The following SPIRE1 variants were observed in gnomAD, a reference collection of about 807,000 sequenced individuals.
SPIRE1 encodes the protein spire type actin nucleation factor 1.
Under a neutral mutation model 94.1 loss-of-function variants are expected in SPIRE1, and 40 were observed. The ratio of observed to expected loss-of-function variants is 0.43; its 90% CI spans 0.33 to 0.55. The LOEUF (loss-of-function observed/expected upper bound fraction) is 0.55. Ranked by LOEUF, SPIRE1 falls within the 20% of genes least tolerant of loss-of-function variation. SPIRE1 has a pLI of 0.06. For missense variants in SPIRE1, 838 were observed against 975.2 expected (o/e 0.86, Z 1.87); for synonymous variants, 376 against 371.7 (o/e 1.01, Z -0.13).
intron 5 of SPIRE1, among the ~76,000 whole-genome samples, chr18:12,510,096 A>C (rs1199556373): frequency 7.2e-6 from 1 of 138,102 alleles, no homozygotes. Flanking sequence ...AAAAAAAAAA[A>C]AAACTAAAAA....
intron 1 of SPIRE1, chr18:12,656,444 C>T (rs1176204593): frequency 6.6e-6 from 1 of 152,184 alleles, no homozygotes; most frequent in African/African-American, 2.4e-5. Flanking sequence ...TTACCTGACA[C>T]TAAAAAATAA....
intron 10 of SPIRE1, among the ~76,000 whole-genome samples, chr18:12,473,832 C>G (rs554389): frequency 0.38 from 57,162 of 152,084 alleles, 13,528 homozygotes; most frequent in African/African-American, 0.67. Context: ...AACCCCCAAA[C>G]ACAGCAATGT....
intron 2 of SPIRE1, among the ~76,000 whole-genome samples, chr18:12,612,660 T>C (rs1447799229): frequency 6.6e-6 from 1 of 152,186 alleles, no homozygotes; most frequent in Admixed American, 6.5e-5. Flanking sequence ...CATATTAAAG[T>C]TTGAGAAGCA....
chr18:12,471,571 G>A (rs184690254), intron 10 of SPIRE1, among the ~76,000 whole-genome samples: 9 of 151,958 alleles, frequency 5.9e-5, no homozygotes, highest in East Asian at 3.9e-4. Context: ...TGATCCGTCC[G>A]CCTCAGCCTC....
At chr18:12,486,939 G>A (rs541559843) in intron 8 of SPIRE1, among the ~76,000 whole-genome samples, 58 of 152,196 alleles carry the variant, frequency 3.8e-4, no homozygotes, top group African/African-American at 1.3e-3. Context: ...CGCAACCTCC[G>A]CCTCCCGGGT....
At chr18:12,555,413 A>C (rs1048805673) in intron 2 of SPIRE1, among the ~76,000 whole-genome samples, 47 of 152,298 alleles carry the variant, frequency 3.1e-4, no homozygotes, top group African/African-American at 1.0e-3. Context: ...TGATGTAAAA[A>C]TTCTCAAGAA....
At chr18:12,504,985 GC>G (rs1259286638) in intron 6 of SPIRE1, among the ~76,000 whole-genome samples, 1 of 152,186 alleles carries the variant, frequency 6.6e-6, no homozygotes, top group Non-Finnish European at 1.5e-5. Flanking sequence ...CTGCAGGGAA[GC>G]ATAGCAGAAG....
intron 5 of SPIRE1, among the ~76,000 whole-genome samples, chr18:12,510,598 A>G (rs2034005586): frequency 6.6e-6 from 1 of 151,328 alleles, no homozygotes; most frequent in Non-Finnish European, 1.5e-5. Context: ...GCTGGAGTGC[A>G]ATGGTGCGAT....
upstream of SPIRE1, chr18:12,658,753 C>T (rs2038634098): frequency 5.3e-6 from 2 of 378,280 alleles, no homozygotes; most frequent in African/African-American, 4.3e-5. Context: ...GAATACCTCC[C>T]TCTCCACTCC....
At chr18:12,600,858 G>GTCAGCCTCCA (rs1401226694) in intron 2 of SPIRE1, among the ~76,000 whole-genome samples, 1 of 99,516 alleles carries the variant, frequency 1.0e-5, no homozygotes, top group Non-Finnish European at 2.6e-5. Flanking sequence ...CAGAGTACAA[G>GTCAGCCTCCA]GACCACAGTG....
chr18:12,466,069 G>A (rs1292796645), intron 10 of SPIRE1, among the ~76,000 whole-genome samples: 2 of 150,706 alleles, frequency 1.3e-5, no homozygotes, highest in South Asian at 4.2e-4. Flanking sequence ...GGGTGACAGA[G>A]TGATACTCCG....
At chr18:12,520,885 T>A (rs1830216588) in intron 4 of SPIRE1, among the ~76,000 whole-genome samples, 1 of 152,152 alleles carries the variant, frequency 6.6e-6, no homozygotes, top group African/African-American at 2.4e-5. Context: ...GGCTTTTTCT[T>A]TGCAAGGCTA....
intron 8 of SPIRE1, among the ~76,000 whole-genome samples, chr18:12,489,542 A>G (rs573186456): frequency 5.9e-5 from 9 of 152,356 alleles, no homozygotes; most frequent in African/African-American, 1.4e-4. Context: ...GAGGATGTCA[A>G]TTAAGATGTT....
chr18:12,592,710 CAG>C (rs1316296925), intron 2 of SPIRE1, among the ~76,000 whole-genome samples: 2 of 152,174 alleles, frequency 1.3e-5, no homozygotes, highest in East Asian at 3.8e-4. Context: ...GCAGTAACTG[CAG>C]AGTTAGGTAG....
At chr18:12,543,094 C>T (rs1031260351) in intron 3 of SPIRE1, among the ~76,000 whole-genome samples, 1 of 152,178 alleles carries the variant, frequency 6.6e-6, no homozygotes, top group African/African-American at 2.4e-5. Flanking sequence ...TCCCAAAGTG[C>T]TGGGATTACA....
At chr18:12,556,331 C>T (rs564095115) in intron 2 of SPIRE1, among the ~76,000 whole-genome samples, 4 of 152,132 alleles carry the variant, frequency 2.6e-5, no homozygotes, top group Admixed American at 2.6e-4. Flanking sequence ...TATGGAACCA[C>T]AAAAGATCCA....
intron 2 of SPIRE1, among the ~76,000 whole-genome samples, chr18:12,552,214 G>A (rs2035371310): frequency 6.6e-6 from 1 of 152,190 alleles, no homozygotes; most frequent in Non-Finnish European, 1.5e-5. Context: ...GGCACTCTAA[G>A]CCACAAGGAC....
At position 12,469,829 on chromosome 18, in the gene SPIRE1, T is replaced by C. The variant is rs536478576; in HGVS notation, c.1405-4871A>G. Among the ~76,000 whole-genome samples, 10 of 149,790 alleles carry C rather than the reference T, an allele frequency of 6.7e-5. No homozygotes were observed. The South Asian group carries it at 1.0e-3, about 16-fold the overall frequency. On this transcript the variant is annotated intron_variant, in intron 10 of 16. Transcript: ENST00000409402. Reference sequence around the variant, plus strand: ...GCAACTGAGGCAAAAGTAAGCACATTTGGAGTACTAGATTTTGGCACTCAG... The same window carrying C: ...GCAACTGAGGCAAAAGTAAGCACATCTGGAGTACTAGATTTTGGCACTCAG...
intron 2 of SPIRE1, among the ~76,000 whole-genome samples, chr18:12,571,612 C>A (rs890925797): frequency 6.6e-6 from 1 of 152,170 alleles, no homozygotes; most frequent in African/African-American, 2.4e-5. Flanking sequence ...CACATTTTTC[C>A]ACTGTGTTCA....
Sources: gnomAD v4.1 joint callset for allele counts (sites outside exome capture counted in the v4.1 genomes callset) on GRCh38, gnomAD v4.1.1 for gene constraint, MANE v1.5 for transcripts, NCBI Gene and HGNC (gene_info 2026-07-23, HGNC 2026-07-21) for gene names.